Variants in HIVEP3 observed in about 807,000 individuals in gnomAD.
HIVEP3 encodes transcription factor HIVEP3.
HIVEP3 carries 49 observed loss-of-function variants against 152.8 expected under a neutral mutation model. That is an observed-to-expected ratio of 0.32 (90% CI 0.26 to 0.41). The LOEUF (loss-of-function observed/expected upper bound fraction) is 0.41, where lower values mean the gene tolerates loss of function less well. HIVEP3 is among the 10% of genes least tolerant of loss of function. The probability of loss-of-function intolerance (pLI) is 1.00; values close to 1 mark genes in which losing one functional copy is unlikely to be tolerated. For missense variants in HIVEP3, 2,790 were observed against 3,103.3 expected, an observed-to-expected ratio of 0.90 and a Z score of 2.40; for synonymous variants, 1,269 against 1,289.0, an observed-to-expected ratio of 0.98 and a Z score of 0.33.
chr1:41,902,103 G>A (rs1214702657), intron 1 of HIVEP3, among the ~76,000 whole-genome samples: 3 of 152,204 alleles, frequency 2.0e-5, no homozygotes, highest in Non-Finnish European at 4.4e-5. Flanking sequence ...GTGAGGAGGA[G>A]GGGTGGGTTA....
At chr1:41,548,674 T>C (rs1330541020) in intron 5 of HIVEP3, among the ~76,000 whole-genome samples, 1 of 152,086 alleles carries the variant, frequency 6.6e-6, no homozygotes, top group African/African-American at 2.4e-5. Flanking sequence ...TAGCTGGTAT[T>C]ACAGGTGTGT....
chr1:41,630,550 A>G (rs1454015635), intron 2 of HIVEP3, among the ~76,000 whole-genome samples: 1 of 152,204 alleles, frequency 6.6e-6, no homozygotes, highest in African/African-American at 2.4e-5. Context: ...TTGTATGGAA[A>G]GGATTGGCCC....
rs1256463530 is a variant in HIVEP3 at position 41,567,857 on chromosome 1, A to G, written c.5207+7687T>C. 2.0e-5 allele frequency among the ~76,000 whole-genome samples: 3 copies of G among 152,162 alleles called. No homozygotes were observed. In the East Asian group the frequency reaches 5.8e-4, roughly 29 times the overall value. ...GGCCATCTGACTTCACCTTCCCCAG[A>G]CCAAGCCTGCCTTCAGGCTGATGGA... On this transcript the variant is annotated intron_variant, in intron 5 of 8. Coordinates refer to ENST00000372583, the MANE Select transcript of HIVEP3 (RefSeq NM_024503.5).
intron 1 of HIVEP3, among the ~76,000 whole-genome samples, chr1:42,020,079 T>G (rs901972213): frequency 6.6e-6 from 1 of 152,140 alleles, no homozygotes; most frequent in Non-Finnish European, 1.5e-5. Context: ...TATTATCTTT[T>G]TTATGTATCA....
At chr1:41,588,576 A>G (rs2810568) in intron 3 of HIVEP3, among the ~76,000 whole-genome samples, 42,229 of 152,002 alleles carry the variant, frequency 0.28, 7,210 homozygotes, top group Non-Finnish European at 0.39. Flanking sequence ...GCATCATCAG[A>G]TGACTACAGG....
At chr1:41,701,472 T>G (rs1244206103) in intron 1 of HIVEP3, among the ~76,000 whole-genome samples, 1 of 152,228 alleles carries the variant, frequency 6.6e-6, no homozygotes, top group Non-Finnish European at 1.5e-5. Flanking sequence ...CTAGATCCAG[T>G]AAGAAAGGCG....
chr1:41,713,171 T>A (rs1312982332), intron 1 of HIVEP3, among the ~76,000 whole-genome samples: 1 of 152,128 alleles, frequency 6.6e-6, no homozygotes, highest in Non-Finnish European at 1.5e-5. Flanking sequence ...ACGGACACCT[T>A]CCCCTCTTGC....
In HIVEP3 at chr1:41,918,276, C is replaced by T. The variant is rs968715869; in HGVS notation, c.-801+137G>A. On this transcript the variant is annotated intron_variant, in intron 1 of 8. Transcript: ENST00000372583. The surrounding 1 kb of genome is among the most constrained non-coding windows in gnomAD (Gnocchi z 4.3). The stretch of plus-strand genomic sequence containing the variant: ...TGCGTCTCGGCAGCCGGACACCTTG[C>T]CTAAGAAAGGCATACACAAAATGGA... The T allele has an allele frequency of 1.3e-5, 2 of 153,926 alleles. No individual in the cohort carries two copies. Among genetic ancestry groups the T allele is most frequent in the Admixed American group, 6.5e-5 (1 of 15,294 alleles). The allele number at this position is 153,926 out of a possible 1,614,324, so 9.5% of individuals were successfully genotyped here.
chr1:41,671,997 A>T (rs998548460), intron 2 of HIVEP3, among the ~76,000 whole-genome samples: 5 of 152,196 alleles, frequency 3.3e-5, no homozygotes, highest in African/African-American at 1.2e-4. Context: ...GGCTGGGTGC[A>T]GTTGAGTTGG....
intron 1 of HIVEP3, among the ~76,000 whole-genome samples, chr1:41,933,800 C>A (rs1299795667): frequency 1.3e-5 from 2 of 151,862 alleles, no homozygotes; most frequent in African/African-American, 4.8e-5. Context: ...GAAATGGTTT[C>A]TATTGTTCTG....
chr1:41,834,495 T>C (rs187197722), intron 1 of HIVEP3, among the ~76,000 whole-genome samples: 1 of 152,330 alleles, frequency 6.6e-6, no homozygotes, highest in Non-Finnish European at 1.5e-5. Flanking sequence ...ATAATCATCC[T>C]ATAAAGGGTC....
intron 6 of HIVEP3, among the ~76,000 whole-genome samples, chr1:41,520,978 A>G (rs1365306182): frequency 6.6e-6 from 1 of 152,196 alleles, no homozygotes; most frequent in Non-Finnish European, 1.5e-5. Context: ...AGTTCCATCT[A>G]GACCCAGGTC....
At chr1:41,672,165 C>T (rs2124072459) in intron 2 of HIVEP3, among the ~76,000 whole-genome samples, 1 of 152,332 alleles carries the variant, frequency 6.6e-6, no homozygotes, top group Admixed American at 6.5e-5. Flanking sequence ...TCCCTGTTGA[C>T]TTCCTCCATG....
intron 1 of HIVEP3, among the ~76,000 whole-genome samples, chr1:42,031,327 A>G (rs1243738132): frequency 6.6e-6 from 1 of 152,194 alleles, no homozygotes; most frequent in African/African-American, 2.4e-5. Context: ...CAGGTTGTCT[A>G]GCTGTTTCTT....
intron 3 of HIVEP3, among the ~76,000 whole-genome samples, chr1:41,608,836 C>T (rs2149130852): frequency 6.6e-6 from 1 of 151,630 alleles, no homozygotes; most frequent in Admixed American, 6.6e-5. Context: ...CTTTGGGAGG[C>T]CAAGGCGGGT....
At chr1:41,721,575 T>C (rs538659679) in intron 1 of HIVEP3, among the ~76,000 whole-genome samples, 70 of 152,336 alleles carry the variant, frequency 4.6e-4, no homozygotes, top group African/African-American at 1.2e-3. Context: ...GGTTAATCAA[T>C]AGTGCTAATA....
At chr1:41,697,281 C>T (rs1646290933) in intron 2 of HIVEP3, among the ~76,000 whole-genome samples, 1 of 152,154 alleles carries the variant, frequency 6.6e-6, no homozygotes. Context: ...AGCTTTCCAC[C>T]CACAGCGCAC....
At position 41,584,310 on chromosome 1, in the gene HIVEP3, A is replaced by C. The variant is rs768276742; in HGVS notation, c.488T>G (p.Val163Gly). The change falls in exon 4 of 9, where the codon GTC becomes GGC. Residue 163 changes from valine to glycine, a missense_variant. By Grantham distance (109) the Val-to-Gly change is moderately radical. This residue lies in a region of HIVEP3 where 209 missense variants were observed against 237.0 expected (regional missense o/e 0.88). Coordinates refer to ENST00000372583, the MANE Select transcript of HIVEP3 (RefSeq NM_024503.5). The surrounding 1 kb of genome is among the most constrained non-coding windows in gnomAD (Gnocchi z 5.2). ...GACCTGGGAAGGACGAGGCACGAAG[A>C]CTTTGGGGACTCCAGGAAGGTCCTC... ...PPEDLPGVPK[V>G]FVPRPSQVSL... The C allele has an allele frequency of 6.2e-7, 1 of 1,613,680 alleles. No homozygotes were observed. The highest frequency in any genetic ancestry group is 8.5e-7 in the Non-Finnish European group (1 of 1,179,836).
At chr1:41,826,572 G>A (rs1440363778) in intron 1 of HIVEP3, among the ~76,000 whole-genome samples, 3 of 152,152 alleles carry the variant, frequency 2.0e-5, no homozygotes, top group Non-Finnish European at 2.9e-5. Context: ...TCCAGTGGGG[G>A]CCCTCACAGA....
Sources: allele counts gnomAD v4.1 joint callset (sites outside exome capture counted in the v4.1 genomes callset), GRCh38; gene constraint gnomAD v4.1.1; regional missense constraint gnomAD v4.1.1; non-coding constraint Gnocchi (gnomAD v3.1); transcripts MANE v1.5; gene names NCBI Gene and HGNC (gene_info 2026-07-23, HGNC 2026-07-21).